The following L3MBTL4 variants were observed in gnomAD, a reference collection of about 807,000 sequenced individuals.
L3MBTL4 encodes lethal(3)malignant brain tumor-like protein 4.
L3MBTL4 carries 70 observed loss-of-function variants against 84.5 expected under a neutral mutation model. The ratio of observed to expected loss-of-function variants is 0.83; its 90% confidence interval spans 0.68 to 1.01. The LOEUF (loss-of-function observed/expected upper bound fraction) is 1.01. L3MBTL4 is among the 50% of genes least tolerant of loss of function. The pLI is 0.00. For synonymous variants in L3MBTL4, 274 were observed against 259.8 expected, an observed-to-expected ratio of 1.05 and a Z score of -0.52; for missense variants, 715 against 754.8, an observed-to-expected ratio of 0.95 and a Z score of 0.62.
chr18:6,345,215 C>CAAAAAAAAAAAAAAAAAAAAAA (rs35502624), intron 1 of L3MBTL4, among the ~76,000 whole-genome samples: 1 of 38,490 alleles, frequency 2.6e-5, no homozygotes, highest in Non-Finnish European at 4.9e-5. Flanking sequence ...TACTAAAATA[C>CAAAAAAAAAAAAAAAAAAAAAA]AAAAAAAAAA....
chr18:6,252,062 A>G (rs1481868884), intron 5 of L3MBTL4, among the ~76,000 whole-genome samples: 1 of 152,248 alleles, frequency 6.6e-6, no homozygotes, highest in African/African-American at 2.4e-5. Context: ...CTGCAATCCC[A>G]GCACTTTGGG....
Position 6,268,718 on chromosome 18 carries a change from C to G in L3MBTL4, c.128-4680G>C, listed in dbSNP as rs572908081. Among the ~76,000 whole-genome samples, 5 of 152,248 alleles carry G rather than the reference C, an allele frequency of 3.3e-5. No homozygotes were observed. In the South Asian group the frequency reaches 1.0e-3, roughly 32 times the overall value. On this transcript the variant is annotated intron_variant, in intron 4 of 18. Coordinates refer to ENST00000317931, the MANE Select transcript of L3MBTL4 (RefSeq NM_001330559.2). ...TATAGCAAAATGTTCCAATTATTAA[C>G]CTTCTGCCAAACATTATATAATAAA...
At chr18:6,034,598 C>T (rs2056018805) in intron 16 of L3MBTL4, among the ~76,000 whole-genome samples, 1 of 152,146 alleles carries the variant, frequency 6.6e-6, no homozygotes, top group South Asian at 2.1e-4. Flanking sequence ...AATAGTGCCA[C>T]AATAAACATA....
chr18:5,959,007 A>T (rs2155579), intron 18 of L3MBTL4, among the ~76,000 whole-genome samples: 8 of 151,996 alleles, frequency 5.3e-5, no homozygotes, highest in Non-Finnish European at 8.8e-5. Flanking sequence ...TGCTGAGCTC[A>T]GGCAGAGCCA....
chr18:6,175,167 C>T (rs972532187), intron 12 of L3MBTL4, among the ~76,000 whole-genome samples: 1 of 151,860 alleles, frequency 6.6e-6, no homozygotes, highest in African/African-American at 2.4e-5. Context: ...AAAGGGAAAC[C>T]CTGAAAGCAA....
intron 12 of L3MBTL4, among the ~76,000 whole-genome samples, chr18:6,200,374 G>C (rs938710750): frequency 6.6e-6 from 1 of 152,156 alleles, no homozygotes; most frequent in East Asian, 1.9e-4. Context: ...AGATTAACTT[G>C]GTTCTCCAGG....
At chr18:5,990,770 G>GTGTGTGTGTGTGT (rs1567956295) in intron 16 of L3MBTL4, among the ~76,000 whole-genome samples, 14 of 142,288 alleles carry the variant, frequency 9.8e-5, no homozygotes, top group African/African-American at 3.2e-4. Context: ...GGTTCATGTG[G>GTGTGTGTGTGTGT]GTGTGTGTGT....
chr18:5,966,051 C>G (rs1233311626), intron 17 of L3MBTL4, among the ~76,000 whole-genome samples: 2 of 152,170 alleles, frequency 1.3e-5, no homozygotes, highest in Admixed American at 1.3e-4. Context: ...GACCGGGGCT[C>G]TCATCTTCCT....
intron 1 of L3MBTL4, among the ~76,000 whole-genome samples, chr18:6,386,022 T>G (rs1479755162): frequency 1.3e-5 from 2 of 152,174 alleles, no homozygotes; most frequent in Non-Finnish European, 2.9e-5. Flanking sequence ...GACTAGAATT[T>G]CCTAAAGAAA....
intron 16 of L3MBTL4, among the ~76,000 whole-genome samples, chr18:6,048,459 A>G (rs2056717092): frequency 6.6e-6 from 1 of 152,210 alleles, no homozygotes; most frequent in South Asian, 2.1e-4. Context: ...AACTGGAGGC[A>G]TCACATTACC....
In L3MBTL4 at chr18:6,401,973, T is replaced by C. The variant is rs192727793; in HGVS notation, c.-91+12828A>G. 3.9e-5 allele frequency among the ~76,000 whole-genome samples: 6 copies of C among 152,326 alleles called. No homozygotes were observed. The East Asian group carries it at 1.2e-3, about 29-fold the overall frequency. The stretch of plus-strand genomic sequence containing the variant: ...CTGTGGAATCAAGGAAGCGGAGACA[T>C]AACTTTCAAGCTAGTATTATACTTC... On this transcript the variant is annotated intron_variant, in intron 1 of 18. Transcript: ENST00000317931.
chr18:6,040,878 G>A (rs2056371276), intron 16 of L3MBTL4, among the ~76,000 whole-genome samples: 1 of 152,168 alleles, frequency 6.6e-6, no homozygotes, highest in South Asian at 2.1e-4. Context: ...AGGAGATTAA[G>A]TCAACATAAT....
intron 4 of L3MBTL4, among the ~76,000 whole-genome samples, chr18:6,288,514 G>A (rs898856627): frequency 2.0e-5 from 3 of 152,118 alleles, no homozygotes; most frequent in Non-Finnish European, 4.4e-5. Flanking sequence ...TCTGCTAAAT[G>A]TTTTAAGGTC....
At chr18:6,124,650 C>T (rs941435409) in intron 14 of L3MBTL4, among the ~76,000 whole-genome samples, 1 of 151,894 alleles carries the variant, frequency 6.6e-6, no homozygotes, top group African/African-American at 2.4e-5. Flanking sequence ...AATGCATTTT[C>T]TAATATGCAA....
intron 1 of L3MBTL4, among the ~76,000 whole-genome samples, chr18:6,315,548 G>A (rs1372407810): frequency 6.6e-6 from 1 of 152,154 alleles, no homozygotes. Flanking sequence ...AACACCAAGG[G>A]GTTAAGTAAC....
chr18:6,086,316 T>C (rs1157639535), intron 15 of L3MBTL4, among the ~76,000 whole-genome samples: 2 of 152,324 alleles, frequency 1.3e-5, no homozygotes, highest in Non-Finnish European at 2.9e-5. Flanking sequence ...CACACTGTTC[T>C]GTGGCATTTA....
chr18:6,358,006 G>A (rs772965682), intron 1 of L3MBTL4, among the ~76,000 whole-genome samples: 7 of 152,150 alleles, frequency 4.6e-5, no homozygotes, highest in Non-Finnish European at 1.0e-4. Context: ...AAGACAAAGC[G>A]GAGCACACAT....
intron 4 of L3MBTL4, among the ~76,000 whole-genome samples, chr18:6,292,215 T>C (rs117999522): frequency 1.2e-4 from 19 of 152,316 alleles, no homozygotes; most frequent in Middle Eastern, 3.4e-3. Context: ...TACGACAGGT[T>C]TCACCAAGTT....
At chr18:6,274,589 T>C (rs979097616) in intron 4 of L3MBTL4, among the ~76,000 whole-genome samples, 2 of 152,186 alleles carry the variant, frequency 1.3e-5, no homozygotes, top group African/African-American at 4.8e-5. Context: ...GTGAAGCCAG[T>C]GGATGCTTTA....
Sources: allele counts gnomAD v4.1 joint callset (sites outside exome capture counted in the v4.1 genomes callset), GRCh38; gene constraint gnomAD v4.1.1; transcripts MANE v1.5; gene names NCBI Gene and HGNC (gene_info 2026-07-23, HGNC 2026-07-21).